Variants in CDK19 observed in about 807,000 individuals in gnomAD.
The protein encoded by CDK19 is cyclin-dependent kinase 19.
Under a neutral mutation model 68.3 loss-of-function variants are expected in CDK19, and 20 were observed. That is an observed-to-expected ratio of 0.29 (90% CI 0.21 to 0.43). The LOEUF is 0.43. CDK19 is among the 20% of genes least tolerant of loss of function. The probability of loss-of-function intolerance (pLI) is 1.00; values close to 1 mark genes in which losing one functional copy is unlikely to be tolerated. For synonymous variants in CDK19, 221 were observed against 222.8 expected (o/e 0.99, Z 0.07); for missense variants, 339 against 623.5 (o/e 0.54, Z 4.86).
At chr6:110,804,658 T>A (rs1425108725) in intron 1 of CDK19, among the ~76,000 whole-genome samples, 1 of 148,594 alleles carries the variant, frequency 6.7e-6, no homozygotes, top group Non-Finnish European at 1.5e-5. Context: ...GTTAAAGATA[T>A]TTTATAAAGA....
rs139469125 is a variant in CDK19 at position 110,630,929 on chromosome 6, T to A, written c.646+1101A>T. 5.6e-3 allele frequency among the ~76,000 whole-genome samples: 860 copies of A among 152,368 alleles called. 4 individuals are homozygous for A. The highest frequency in any genetic ancestry group is 0.02 in the African/African-American group (816 of 41,592). ...TGCAGAAATCAGACGTCTTGATGAATGAGGACTTACTATATTTTAATTTTT... is the reference window on the plus strand; with the variant it reads ...TGCAGAAATCAGACGTCTTGATGAAAGAGGACTTACTATATTTTAATTTTT... On this transcript the variant is annotated intron_variant, in intron 6 of 12. Coordinates refer to ENST00000368911, the MANE Select transcript of CDK19 (RefSeq NM_015076.5).
intron 1 of CDK19, among the ~76,000 whole-genome samples, chr6:110,784,706 C>A (rs1252064842): frequency 6.6e-6 from 1 of 152,060 alleles, no homozygotes; most frequent in African/African-American, 2.4e-5. Context: ...CAGCATTAAT[C>A]ATAATAGCCT....
intron 1 of CDK19, among the ~76,000 whole-genome samples, chr6:110,784,163 A>G (rs1277000499): frequency 4.7e-5 from 7 of 149,266 alleles, no homozygotes; most frequent in Non-Finnish European, 1.5e-5. Context: ...CGTCTCAAAA[A>G]AAAAAAAAAA....
chr6:110,675,862 T>C (rs894166242), intron 2 of CDK19, among the ~76,000 whole-genome samples: 1 of 152,234 alleles, frequency 6.6e-6, no homozygotes, highest in African/African-American at 2.4e-5. Flanking sequence ...AGGAGATTAA[T>C]GCTGCTTTCC....
chr6:110,801,607 G>T (rs1396681124), intron 1 of CDK19, among the ~76,000 whole-genome samples: 2 of 152,038 alleles, frequency 1.3e-5, no homozygotes, highest in Admixed American at 1.3e-4. Flanking sequence ...CGCCTCCCAG[G>T]TTCACACCAT....
chr6:110,733,873 AT>A (rs1252366039), intron 2 of CDK19, among the ~76,000 whole-genome samples: 1 of 152,052 alleles, frequency 6.6e-6, no homozygotes, highest in East Asian at 1.9e-4. Flanking sequence ...TTTAAGCATT[AT>A]TGATTTTCCG....
chr6:110,749,095 G>A (rs1032321891), intron 1 of CDK19, among the ~76,000 whole-genome samples: 2 of 152,154 alleles, frequency 1.3e-5, no homozygotes, highest in Non-Finnish European at 2.9e-5. Context: ...AGTATGATTA[G>A]AGCAACTGCA....
At chr6:110,728,185 G>A (rs1022794884) in intron 2 of CDK19, among the ~76,000 whole-genome samples, 3 of 151,742 alleles carry the variant, frequency 2.0e-5, no homozygotes, top group Admixed American at 1.3e-4. Context: ...CTACTCAGGA[G>A]GCTAAGGCAG....
At chr6:110,814,986 A>C in intron 1 of CDK19, 23 bp downstream of exon 1, 4 of 1,594,454 alleles carry the variant, frequency 2.5e-6, no homozygotes, top group East Asian at 4.8e-5. Context: ...GAGCGAGCCT[A>C]CTCCTCCCGC....
chr6:110,647,499 TCCAGTAGAGGACAGAAAAATCTAAAAATC>T lies in CDK19; in HGVS notation c.457-8822_457-8794del, dbSNP rs543725532. 5.8e-4 allele frequency among the ~76,000 whole-genome samples: 89 copies of T among 152,202 alleles called. 1 individual carries two copies. The East Asian group carries it at 0.013, about 22-fold the overall frequency. ...GAAAGTGCAAATAAACTACATTAGA[TCCAGTAGAGGACAGAAAAATCTAAAAATC>T]CCATGAATAACTTCATATCTATTAA... On this transcript the variant is annotated intron_variant, in intron 4 of 12. Transcript: ENST00000368911.
intron 1 of CDK19, among the ~76,000 whole-genome samples, chr6:110,760,123 C>T (rs1042914563): frequency 2.6e-5 from 4 of 152,008 alleles, no homozygotes; most frequent in Non-Finnish European, 5.9e-5. Flanking sequence ...AGGCCAGGCG[C>T]GGTGCATCAC....
chr6:110,724,539 A>C (rs549051217), intron 2 of CDK19, among the ~76,000 whole-genome samples: 9 of 152,178 alleles, frequency 5.9e-5, no homozygotes, highest in Non-Finnish European at 1.2e-4. Context: ...ACTGTATCTA[A>C]AATTTGAGAT....
chr6:110,745,042 A>G (rs1777975568), intron 2 of CDK19, among the ~76,000 whole-genome samples: 1 of 152,216 alleles, frequency 6.6e-6, no homozygotes, highest in Non-Finnish European at 1.5e-5. Flanking sequence ...TATTTAAATA[A>G]ATTTCTAACA....
At chr6:110,679,590 C>G (rs1421507482) in intron 2 of CDK19, among the ~76,000 whole-genome samples, 1 of 151,966 alleles carries the variant, frequency 6.6e-6, no homozygotes, top group East Asian at 1.9e-4. Context: ...CCAGCCTGAG[C>G]AACAAGAGCA....
In CDK19 at chr6:110,715,711, C is replaced by T. The variant is rs56186002; in HGVS notation, c.204+30415G>A. ...ATGTTGGTCAGGCTGGTCTCAAACTCGTGGACCTCACATGATCCACCTGCC... is the reference window on the plus strand; with the variant it reads ...ATGTTGGTCAGGCTGGTCTCAAACTTGTGGACCTCACATGATCCACCTGCC... On this transcript the variant is annotated intron_variant, in intron 2 of 12. Transcript: ENST00000368911. 2.0e-3 allele frequency among the ~76,000 whole-genome samples: 307 copies of T among 152,210 alleles called. 2 individuals carry two copies. The highest frequency in any genetic ancestry group is 7.2e-3 in the African/African-American group (298 of 41,534).
chr6:110,623,267 T>C (rs1778828128), intron 9 of CDK19, 23 bp downstream of exon 9: 7 of 1,597,062 alleles, frequency 4.4e-6, no homozygotes, highest in Non-Finnish European at 6.0e-6. Flanking sequence ...AATCAGATTT[T>C]AGTCTGGGAG....
At chr6:110,654,434 T>A (rs1031578241) in intron 4 of CDK19, among the ~76,000 whole-genome samples, 3 of 152,256 alleles carry the variant, frequency 2.0e-5, no homozygotes, top group Non-Finnish European at 1.5e-5. Flanking sequence ...GAGAATCTGA[T>A]CATTGTGGTT....
intron 2 of CDK19, among the ~76,000 whole-genome samples, chr6:110,703,474 T>A (rs1257270572): frequency 3.3e-5 from 5 of 152,190 alleles, no homozygotes; most frequent in Admixed American, 3.3e-4. Flanking sequence ...AGAAAATACA[T>A]AATTTCTGAA....
At chr6:110,715,776 C>T (rs991813920) in intron 2 of CDK19, among the ~76,000 whole-genome samples, 4 of 152,200 alleles carry the variant, frequency 2.6e-5, no homozygotes, top group Non-Finnish European at 5.9e-5. Context: ...CGTGAGCCAT[C>T]ACACCCTGCC....
Sources: allele counts gnomAD v4.1 joint callset (sites outside exome capture counted in the v4.1 genomes callset), GRCh38; gene constraint gnomAD v4.1.1; transcripts MANE v1.5; gene names NCBI Gene and HGNC (gene_info 2026-07-23, HGNC 2026-07-21).